Variants in KALRN observed in about 807,000 individuals in gnomAD.
KALRN encodes kalirin RhoGEF kinase.
A neutral mutation model predicts 353.7 loss-of-function variants in KALRN; 70 were observed. That is an observed-to-expected ratio of 0.20 (90% confidence interval 0.16 to 0.24). The LOEUF (loss-of-function observed/expected upper bound fraction) is 0.24. Among genes scored for constraint, KALRN ranks in the 10% least tolerant of loss-of-function variants. The probability of loss-of-function intolerance (pLI) is 1.00; values close to 1 mark genes in which losing one functional copy is unlikely to be tolerated. For synonymous variants in KALRN, 1,391 were observed against 1,434.8 expected (o/e 0.97, Z 0.69); for missense variants, 2,791 against 3,756.7 (o/e 0.74, Z 6.72).
At chr3:124,328,342 T>G (rs961372570) in intron 7 of KALRN, among the ~76,000 whole-genome samples, 1 of 152,186 alleles carries the variant, frequency 6.6e-6, no homozygotes. Context: ...TTGCCCAGAT[T>G]GGTAAGGAAG....
At chr3:124,100,183 A>C (rs916540944) in intron 1 of KALRN, 1 of 152,180 alleles carries the variant, frequency 6.6e-6, no homozygotes, top group South Asian at 2.1e-4. Context: ...GAAAAAGTCT[A>C]TTCAGATCAT....
At chr3:124,471,794 TCTA>T (rs1458326115) in intron 25 of KALRN, among the ~76,000 whole-genome samples, 1 of 151,686 alleles carries the variant, frequency 6.6e-6, no homozygotes, top group East Asian at 2.0e-4. Context: ...AAACCGTGTC[TCTA>T]CTAAGAAAAA....
At chr3:124,265,208 A>G (rs986099863) in intron 4 of KALRN, among the ~76,000 whole-genome samples, 4 of 151,734 alleles carry the variant, frequency 2.6e-5, no homozygotes, top group African/African-American at 2.4e-5. Flanking sequence ...ATTGTTAACT[A>G]TAATTCCTCT....
chr3:124,042,770 T>C (rs958657632), intron 1 of KALRN, among the ~76,000 whole-genome samples: 1 of 152,038 alleles, frequency 6.6e-6, no homozygotes, highest in Non-Finnish European at 1.5e-5. Flanking sequence ...CAGGTGTCAG[T>C]GAAATAGCTA....
At chr3:124,668,184 A>G (rs2085916010) in intron 47 of KALRN, among the ~76,000 whole-genome samples, 1 of 152,112 alleles carries the variant, frequency 6.6e-6, no homozygotes, top group East Asian at 1.9e-4. Context: ...ACACAGGTAC[A>G]TGCATGTACA....
At chr3:124,520,238 A>G (rs2108999768) in intron 33 of KALRN, among the ~76,000 whole-genome samples, 1 of 152,276 alleles carries the variant, frequency 6.6e-6, no homozygotes, top group South Asian at 2.1e-4. Flanking sequence ...GAGAAAGGCA[A>G]ACTTCAAACT....
At chr3:124,167,970 T>A (rs769098680) in intron 1 of KALRN, among the ~76,000 whole-genome samples, 3 of 152,082 alleles carry the variant, frequency 2.0e-5, no homozygotes, top group Non-Finnish European at 4.4e-5. Context: ...TGCCCTCAGA[T>A]GAGAGTTGTA....
intron 33 of KALRN, among the ~76,000 whole-genome samples, chr3:124,529,389 A>AAGGAGC (rs1341018797): frequency 6.6e-6 from 1 of 152,320 alleles, no homozygotes; most frequent in East Asian, 1.9e-4. Flanking sequence ...TGGCAAAAAC[A>AAGGAGC]AGGAGCATGC....
chr3:124,527,984 A>G (rs1368182640), intron 33 of KALRN, among the ~76,000 whole-genome samples: 3 of 152,188 alleles, frequency 2.0e-5, no homozygotes, highest in Non-Finnish European at 4.4e-5. Context: ...CTATTCATGC[A>G]CTGTTTATAA....
intron 34 of KALRN, among the ~76,000 whole-genome samples, chr3:124,601,952 G>A (rs1370178199): frequency 6.6e-6 from 1 of 151,554 alleles, no homozygotes; most frequent in Non-Finnish European, 1.5e-5. Flanking sequence ...CTTGAGTGTG[G>A]GAGGCAGAGA....
chr3:124,577,795 G>A (rs1250537509), intron 34 of KALRN, among the ~76,000 whole-genome samples: 1 of 152,042 alleles, frequency 6.6e-6, no homozygotes, highest in Non-Finnish European at 1.5e-5. Context: ...ATGATTTTGA[G>A]GTTACAGTGA....
chr3:124,176,326 T>C (rs2072741184), intron 1 of KALRN, among the ~76,000 whole-genome samples: 3 of 152,158 alleles, frequency 2.0e-5, no homozygotes, highest in Admixed American at 6.5e-5. Context: ...GAAGTGATCA[T>C]TTTCAGGCTC....
At chr3:124,329,512 G>T (rs929829929) in intron 7 of KALRN, among the ~76,000 whole-genome samples, 6 of 152,164 alleles carry the variant, frequency 3.9e-5, no homozygotes, top group Non-Finnish European at 8.8e-5. Context: ...TGTGCGTGGG[G>T]CAAGAAGCTC....
At chr3:124,483,090 G>T (rs1015835428) in intron 28 of KALRN, among the ~76,000 whole-genome samples, 190 bp downstream of exon 28, 1 of 152,200 alleles carries the variant, frequency 6.6e-6, no homozygotes, top group Admixed American at 6.5e-5. Context: ...AAGGCAGAAG[G>T]GGGAGAAAAG....
At chr3:124,046,900 AT>A (rs61359225) in intron 1 of KALRN, among the ~76,000 whole-genome samples, 1 of 148,306 alleles carries the variant, frequency 6.7e-6, no homozygotes, top group African/African-American at 2.5e-5. Context: ...TTGTTGACCC[AT>A]TTTTTTTTTC....
intron 33 of KALRN, among the ~76,000 whole-genome samples, chr3:124,547,814 C>G (rs553371420): frequency 1.4e-5 from 2 of 147,296 alleles, no homozygotes; most frequent in South Asian, 2.3e-4. Flanking sequence ...AGGGGACTCT[C>G]TTTTTTTTCT....
At chr3:124,307,309 TAC>T (rs2077797190) in intron 6 of KALRN, among the ~76,000 whole-genome samples, 1 of 151,966 alleles carries the variant, frequency 6.6e-6, no homozygotes, top group African/African-American at 2.4e-5. Flanking sequence ...CAGAAACAAA[TAC>T]AGTGATTCAG....
intron 34 of KALRN, among the ~76,000 whole-genome samples, chr3:124,568,170 A>G (rs919877465): frequency 1.4e-4 from 21 of 152,332 alleles, no homozygotes; most frequent in African/African-American, 4.8e-4. Flanking sequence ...ACCAAAAACT[A>G]AATTTAAAAA....
intron 38 of KALRN, among the ~76,000 whole-genome samples, chr3:124,653,141 G>A (rs2083603079): frequency 6.6e-6 from 1 of 152,202 alleles, no homozygotes; most frequent in South Asian, 2.1e-4. Context: ...ATGAAAGGGT[G>A]TTGTATAGGT....
Sources: gnomAD v4.1 joint callset for allele counts (sites outside exome capture counted in the v4.1 genomes callset) on GRCh38, gnomAD v4.1.1 for gene constraint, MANE v1.5 for transcripts, NCBI Gene and HGNC (gene_info 2026-07-23, HGNC 2026-07-21) for gene names.